PLEKHA7: variants seen among roughly 807,000 people sequenced by gnomAD.
PLEKHA7 encodes pleckstrin homology domain containing A7, also known as pleckstrin homology domain-containing family A member 7.
PLEKHA7 carries 104 observed loss-of-function variants against 170.0 expected under a neutral mutation model. The ratio of observed to expected loss-of-function variants is 0.61; its 90% confidence interval spans 0.52 to 0.72. The LOEUF is 0.72. Ranked by LOEUF, PLEKHA7 falls within the 30% of genes least tolerant of loss-of-function variation. The pLI, the probability that PLEKHA7 is intolerant of heterozygous loss-of-function variation, is 0.00. For missense variants in PLEKHA7, 1,615 were observed against 1,671.7 expected, an observed-to-expected ratio of 0.97 and a Z score of 0.59; for synonymous variants, 648 against 660.8, an observed-to-expected ratio of 0.98 and a Z score of 0.30.
chr11:16,907,541 C>T (rs1166023145), intron 3 of PLEKHA7, among the ~76,000 whole-genome samples: 4 of 119,232 alleles, frequency 3.4e-5, no homozygotes, highest in Non-Finnish European at 5.6e-5. Context: ...CCCAGCCAGC[C>T]GCCCCGTCCG....
intron 3 of PLEKHA7, among the ~76,000 whole-genome samples, chr11:16,924,932 TG>T (rs1859395623): frequency 6.6e-6 from 1 of 152,178 alleles, no homozygotes; most frequent in Admixed American, 6.5e-5. Context: ...GACGGGCGCC[TG>T]GAACAAAGCC....
At chr11:16,989,545 G>A (rs76831006) in intron 3 of PLEKHA7, among the ~76,000 whole-genome samples, 10 of 152,142 alleles carry the variant, frequency 6.6e-5, no homozygotes, top group Non-Finnish European at 1.5e-4. Flanking sequence ...CTTTGTGACC[G>A]TAAGTTCCAC....
intron 3 of PLEKHA7, among the ~76,000 whole-genome samples, chr11:16,950,597 C>G (rs1017935935): frequency 6.6e-6 from 1 of 151,552 alleles, no homozygotes; most frequent in African/African-American, 2.4e-5. Flanking sequence ...ATCTAATGCT[C>G]AAGTACTATC....
At chr11:16,967,945 C>T (rs1168205471) in intron 3 of PLEKHA7, among the ~76,000 whole-genome samples, 1 of 152,136 alleles carries the variant, frequency 6.6e-6, no homozygotes, top group Non-Finnish European at 1.5e-5. Flanking sequence ...CTGACTACCT[C>T]CCATTCTCCC....
chr11:16,998,582 T>C (rs1181563945), intron 3 of PLEKHA7, among the ~76,000 whole-genome samples: 2 of 152,140 alleles, frequency 1.3e-5, no homozygotes, highest in African/African-American at 4.8e-5. Context: ...TTCAAAACCA[T>C]CCAGTGCCAA....
chr11:16,962,586 G>A (rs1862130706), intron 3 of PLEKHA7, among the ~76,000 whole-genome samples: 1 of 152,166 alleles, frequency 6.6e-6, no homozygotes, highest in African/African-American at 2.4e-5. Flanking sequence ...TCAGCCTCCT[G>A]AGTGGCTGGG....
intron 4 of PLEKHA7, among the ~76,000 whole-genome samples, chr11:16,865,461 T>A: frequency 6.6e-6 from 1 of 152,154 alleles, no homozygotes. Flanking sequence ...GGGTGGCTCA[T>A]GCCTATAATC....
intron 3 of PLEKHA7, among the ~76,000 whole-genome samples, chr11:16,960,755 A>G (rs1409102292): frequency 2.0e-5 from 3 of 152,162 alleles, no homozygotes; most frequent in Non-Finnish European, 2.9e-5. Flanking sequence ...CGACTGTGTA[A>G]CAGCTACACC....
rs935289634 is a variant in PLEKHA7, at chr11:16,816,164, G to T, written c.1953+14C>A. 1 of 1,598,116 alleles carries T rather than the reference G, an allele frequency of 6.3e-7. No homozygotes were observed. Among genetic ancestry groups the T allele is most frequent in the African/African-American group, 1.3e-5 (1 of 74,608 alleles). On this transcript the variant is annotated intron_variant, in intron 12 of 26. Coordinates refer to ENST00000531066, the MANE Select transcript of PLEKHA7 (RefSeq NM_001329630.2). Reference sequence around the variant, plus strand: ...GATAGGGCTTTGCAGGCTATGTCTTGTCATTCACCCTACCGATTTTCCATG... The same window carrying T: ...GATAGGGCTTTGCAGGCTATGTCTTTTCATTCACCCTACCGATTTTCCATG...
At chr11:16,885,097 T>C (rs1467150774) in intron 3 of PLEKHA7, among the ~76,000 whole-genome samples, 1 of 152,188 alleles carries the variant, frequency 6.6e-6, no homozygotes, top group Non-Finnish European at 1.5e-5. Flanking sequence ...TCCCAATACT[T>C]TGGGAGGCCA....
intron 3 of PLEKHA7, among the ~76,000 whole-genome samples, chr11:16,931,671 C>A (rs2136328724): frequency 6.6e-6 from 1 of 151,852 alleles, no homozygotes; most frequent in Middle Eastern, 3.4e-3. Flanking sequence ...CTGAGAATGC[C>A]TTGAACCCAG....
chr11:16,851,489 G>A (rs1852952968), intron 7 of PLEKHA7, among the ~76,000 whole-genome samples, 198 bp from the exon 8 acceptor site: 1 of 151,914 alleles, frequency 6.6e-6, no homozygotes, highest in Non-Finnish European at 1.5e-5. Context: ...CGCTCTTGTT[G>A]CCCAAGCTGG....
intron 10 of PLEKHA7, among the ~76,000 whole-genome samples, chr11:16,823,519 C>A (rs1199935981): frequency 6.6e-6 from 1 of 152,168 alleles, no homozygotes; most frequent in Non-Finnish European, 1.5e-5. Context: ...ACAGACTGTA[C>A]CCACATTCCC....
intron 3 of PLEKHA7, among the ~76,000 whole-genome samples, chr11:16,950,196 A>G (rs1438892517): frequency 1.3e-5 from 2 of 152,170 alleles, no homozygotes; most frequent in Admixed American, 6.5e-5. Context: ...ATCCTTTGCT[A>G]TATACCACGC....
intron 3 of PLEKHA7, among the ~76,000 whole-genome samples, chr11:16,986,156 G>C (rs930034648): frequency 6.6e-5 from 10 of 152,190 alleles, no homozygotes; most frequent in Non-Finnish European, 1.0e-4. Flanking sequence ...ACAGACACAG[G>C]AAGAGAAGCC....
chr11:16,811,667 CCTGA>C (rs1349052261), intron 13 of PLEKHA7, among the ~76,000 whole-genome samples: 3 of 152,328 alleles, frequency 2.0e-5, no homozygotes, highest in Admixed American at 6.5e-5. Context: ...CTCTGTGTGA[CCTGA>C]CTGTCAAGTG....
intron 15 of PLEKHA7, 116 bp downstream of exon 15, chr11:16,802,856 T>G (rs945323083): frequency 5.3e-6 from 5 of 937,858 alleles, no homozygotes; most frequent in Non-Finnish European, 8.4e-6. Context: ...CATTTTTTTT[T>G]AAATAAGCTA....
chr11:16,969,061 A>T (rs1264048386), intron 3 of PLEKHA7, among the ~76,000 whole-genome samples: 1 of 152,174 alleles, frequency 6.6e-6, no homozygotes, highest in Admixed American at 6.5e-5. Context: ...CATGCAAAGG[A>T]AACTGAAGGG....
At chr11:16,909,233 T>C (rs935821189) in intron 3 of PLEKHA7, among the ~76,000 whole-genome samples, 2 of 152,060 alleles carry the variant, frequency 1.3e-5, no homozygotes, top group South Asian at 2.1e-4. Context: ...CGGGAGAAAA[T>C]GTGTGACCAA....
Sources: allele counts gnomAD v4.1 joint callset (sites outside exome capture counted in the v4.1 genomes callset), GRCh38; gene constraint gnomAD v4.1.1; transcripts MANE v1.5; gene names NCBI Gene and HGNC (gene_info 2026-07-23, HGNC 2026-07-21).